RBMS3: variants seen among roughly 807,000 people sequenced by gnomAD.
The protein encoded by RBMS3 is RNA-binding motif, single-stranded-interacting protein 3.
In RBMS3, 27 loss-of-function variants were observed where a neutral mutation model predicts 66.8. The ratio of observed to expected loss-of-function variants is 0.40; its 90% CI spans 0.30 to 0.56. The LOEUF is 0.56. Among genes scored for constraint, RBMS3 ranks in the 20% least tolerant of loss-of-function variants. The probability of loss-of-function intolerance (pLI) is 0.40; values close to 1 mark genes in which losing one functional copy is unlikely to be tolerated. For missense variants in RBMS3, 513 were observed against 549.5 expected, an observed-to-expected ratio of 0.93 and a Z score of 0.66; for synonymous variants, 188 against 183.0, an observed-to-expected ratio of 1.03 and a Z score of -0.22.
chr3:29,925,677 C>T (rs571804359), intron 10 of RBMS3, among the ~76,000 whole-genome samples: 1 of 152,242 alleles, frequency 6.6e-6, no homozygotes, highest in African/African-American at 2.4e-5. Flanking sequence ...AGAGCCCTGG[C>T]AGACCAAATG....
At chr3:29,646,415 A>G (rs1036409511) in intron 4 of RBMS3, among the ~76,000 whole-genome samples, 3 of 152,218 alleles carry the variant, frequency 2.0e-5, no homozygotes, top group Non-Finnish European at 4.4e-5. Context: ...GCACACTTGT[A>G]ATTGCATCTC....
chr3:29,822,472 G>A (rs2058098676), intron 6 of RBMS3, among the ~76,000 whole-genome samples: 3 of 152,078 alleles, frequency 2.0e-5, no homozygotes, highest in African/African-American at 4.8e-5. Context: ...CTTTCTTGGT[G>A]GAATAAATGG....
intron 3 of RBMS3, among the ~76,000 whole-genome samples, chr3:29,533,276 G>T (rs62236937): frequency 0.044 from 6,755 of 152,148 alleles, 522 homozygotes; most frequent in East Asian, 0.38. Context: ...CCAGGAGTTT[G>T]AGACCAGTGT....
intron 4 of RBMS3, among the ~76,000 whole-genome samples, chr3:29,677,268 T>A (rs562662289): frequency 7.6e-4 from 115 of 152,248 alleles, no homozygotes; most frequent in African/African-American, 2.5e-3. Context: ...CCAAACCATA[T>A]CACTTGCTTT....
At chr3:29,716,920 C>A (rs1333015143) in intron 4 of RBMS3, among the ~76,000 whole-genome samples, 11 of 128,758 alleles carry the variant, frequency 8.5e-5, no homozygotes, top group African/African-American at 1.5e-4. Flanking sequence ...TACATGCATA[C>A]GTATTACACA....
At chr3:29,798,290 A>AAGG (rs2057269613) in intron 6 of RBMS3, among the ~76,000 whole-genome samples, 4 of 80,610 alleles carry the variant, frequency 5.0e-5, no homozygotes, top group African/African-American at 2.6e-4. Flanking sequence ...GGAAGGGAAG[A>AAGG]GAAGGGAAGG....
At chr3:29,649,914 A>G (rs1319816310) in intron 4 of RBMS3, among the ~76,000 whole-genome samples, 2 of 152,196 alleles carry the variant, frequency 1.3e-5, no homozygotes, top group East Asian at 3.8e-4. Context: ...CAAACTCCAC[A>G]TTAAACTGGC....
At chr3:29,513,066 C>G (rs3773051) in intron 3 of RBMS3, among the ~76,000 whole-genome samples, 15,444 of 152,124 alleles carry the variant, frequency 0.1, 891 homozygotes, top group South Asian at 0.15. Flanking sequence ...TCCAAAGGAG[C>G]AGCTAGAGAT....
intron 1 of RBMS3, among the ~76,000 whole-genome samples, chr3:29,312,569 C>T (rs1444009693): frequency 6.6e-6 from 1 of 151,756 alleles, no homozygotes; most frequent in African/African-American, 2.4e-5. Flanking sequence ...CTTGCACTCT[C>T]TCTTCTTTTT....
chr3:29,422,187 T>C (rs1465784132), intron 1 of RBMS3, among the ~76,000 whole-genome samples: 1 of 152,322 alleles, frequency 6.6e-6, no homozygotes, highest in African/African-American at 2.4e-5. Context: ...AGGATCTATG[T>C]CCTTAGACAC....
At chr3:29,489,535 A>G (rs1166234590) in intron 3 of RBMS3, among the ~76,000 whole-genome samples, 4 of 151,780 alleles carry the variant, frequency 2.6e-5, no homozygotes, top group Non-Finnish European at 4.4e-5. Context: ...CCTTATTAGG[A>G]TTACTATATC....
At chr3:29,679,957 A>G (rs80239959) in intron 4 of RBMS3, among the ~76,000 whole-genome samples, 4,139 of 152,174 alleles carry the variant, frequency 0.027, 79 homozygotes, top group Admixed American at 0.064. Context: ...GTGATTTAGA[A>G]TTGGAACATA....
At chr3:29,541,178 C>T (rs1207699836) in intron 3 of RBMS3, among the ~76,000 whole-genome samples, 1 of 152,032 alleles carries the variant, frequency 6.6e-6, no homozygotes. Context: ...CTTTAAATGC[C>T]ATCTACATGT....
chr3:29,447,211 C>T (rs2041864848), intron 2 of RBMS3, among the ~76,000 whole-genome samples: 1 of 151,894 alleles, frequency 6.6e-6, no homozygotes, highest in Non-Finnish European at 1.5e-5. Context: ...CTGCACCCAG[C>T]CAGCAGTCTT....
In RBMS3 at chr3:29,657,828, G is replaced by A. The variant is rs570104712; in HGVS notation, c.399+70623G>A. On this transcript the variant is annotated intron_variant, in intron 4 of 14. Transcript: ENST00000383767. Reference sequence around the variant, plus strand: ...GATTGATAAATGATACGAAAGAAAAGATAAATACACATTCACCCAAACTGT... The same window carrying A: ...GATTGATAAATGATACGAAAGAAAAAATAAATACACATTCACCCAAACTGT... Among the ~76,000 whole-genome samples, 114 of 152,196 alleles carry A rather than the reference G, an allele frequency of 7.5e-4. 1 individual carries two copies. In the South Asian group the frequency reaches 0.011, roughly 15 times the overall value.
intron 4 of RBMS3, among the ~76,000 whole-genome samples, chr3:29,679,320 G>T (rs2051387924): frequency 6.6e-6 from 1 of 152,102 alleles, no homozygotes; most frequent in Non-Finnish European, 1.5e-5. Context: ...GTAAAATGGG[G>T]TTTTGCATTA....
chr3:29,753,817 G>C (rs1053166776), intron 5 of RBMS3, among the ~76,000 whole-genome samples: 5 of 152,124 alleles, frequency 3.3e-5, no homozygotes, highest in Non-Finnish European at 2.9e-5. Context: ...GTTTAGATTT[G>C]TCAATTGAAC....
intron 3 of RBMS3, among the ~76,000 whole-genome samples, chr3:29,559,841 C>G (rs1406335597): frequency 1.3e-5 from 2 of 152,140 alleles, no homozygotes; most frequent in Non-Finnish European, 2.9e-5. Context: ...AAATAAAGAG[C>G]TTTCTTTCAA....
chr3:29,655,668 G>A (rs1209868039), intron 4 of RBMS3, among the ~76,000 whole-genome samples: 1 of 152,072 alleles, frequency 6.6e-6, no homozygotes, highest in African/African-American at 2.4e-5. Context: ...TTATGTTATT[G>A]GTTGACATAC....
Sources: allele counts gnomAD v4.1 joint callset (sites outside exome capture counted in the v4.1 genomes callset), GRCh38; gene constraint gnomAD v4.1.1; transcripts MANE v1.5; gene names NCBI Gene and HGNC (gene_info 2026-07-23, HGNC 2026-07-21).